Variants in GREB1 observed in about 807,000 individuals in gnomAD.
GREB1 encodes growth regulating estrogen receptor binding 1.
In GREB1, 106 loss-of-function variants were observed where a neutral mutation model predicts 200.7. That is an observed-to-expected ratio of 0.53 (90% CI 0.45 to 0.62). GREB1 has a LOEUF of 0.62. GREB1 is among the 20% of genes least tolerant of loss of function. The probability of loss-of-function intolerance (pLI) is 0.00; values close to 1 mark genes in which losing one functional copy is unlikely to be tolerated. For missense variants in GREB1, 2,243 were observed against 2,556.8 expected, an observed-to-expected ratio of 0.88 and a Z score of 2.65; for synonymous variants, 1,132 against 1,092.4, an observed-to-expected ratio of 1.04 and a Z score of -0.72.
Position 11,612,411 on chromosome 2 carries a change from G to T in GREB1, c.3007-84G>T, listed in dbSNP as rs374980794. On this transcript the variant is annotated intron_variant, in intron 18 of 32. Transcript: ENST00000381486. ...TATAGTTCAAGGAGTTTAAATTGGT[G>T]TGGGAGGCCATCAGGATTCCTCTGA... 370 of 1,498,012 alleles carry T rather than the reference G, an allele frequency of 2.5e-4. 6 individuals carry two copies. The South Asian group carries it at 4.3e-3, about 17-fold the overall frequency. 92.8% of individuals were successfully genotyped at this position (1,498,012 alleles called of 1,614,324 possible).
At chr2:11,541,553 A>G (rs74832997) in intron 1 of GREB1, among the ~76,000 whole-genome samples, 1 of 151,504 alleles carries the variant, frequency 6.6e-6, no homozygotes, top group South Asian at 2.1e-4. Context: ...ACTGCCTCCG[A>G]CTCTTTCCAA....
chr2:11,554,596 G>A (rs1267604608), intron 1 of GREB1, among the ~76,000 whole-genome samples: 1 of 152,234 alleles, frequency 6.6e-6, no homozygotes, highest in African/African-American at 2.4e-5. Flanking sequence ...AATTGTAGAT[G>A]AAGGCAGGAA....
At chr2:11,609,573 A>T (rs1394571757) in intron 17 of GREB1, among the ~76,000 whole-genome samples, 1 of 152,150 alleles carries the variant, frequency 6.6e-6, no homozygotes, top group Non-Finnish European at 1.5e-5. Context: ...TGGGCTGCTG[A>T]GTCCCCTTCA....
intron 1 of GREB1, among the ~76,000 whole-genome samples, chr2:11,502,280 G>T (rs368671380): frequency 1.9e-4 from 28 of 149,346 alleles, no homozygotes; most frequent in Non-Finnish European, 4.0e-4. Flanking sequence ...GAGTGCAGTG[G>T]TATGGTAACA....
intron 22 of GREB1, among the ~76,000 whole-genome samples, chr2:11,619,860 CATATTTTCCTCTGTAAAGTTAGTT>C (rs759024038): frequency 1.8e-4 from 28 of 152,308 alleles, no homozygotes; most frequent in Non-Finnish European, 3.7e-4. Context: ...GGTTGGGTGT[CATATTTTCCTCTGTAAAGTTAGTT>C]ATTTCCATTC....
In GREB1 at chr2:11,493,820, C is replaced by CTGAGTTACAAAT. The variant is rs896067386; in HGVS notation, c.-159+11441_-159+11442insAGTTACAAATTG. 3.9e-5 allele frequency among the ~76,000 whole-genome samples: 6 copies of CTGAGTTACAAAT among 152,132 alleles called. No homozygotes were observed. The highest frequency in any genetic ancestry group is 7.4e-5 in the Non-Finnish European group (5 of 68,024). Reference sequence around the variant, plus strand: ...AGGTATAAGTTGCAAACTCTGACCTCTGGGGGCAATTTGTAAACTCCAGAG... The same window carrying CTGAGTTACAAAT: ...AGGTATAAGTTGCAAACTCTGACCTCTGAGTTACAAATTGGGGGCAATTTGTAAACTCCAGAG... On this transcript the variant is annotated intron_variant, in intron 1 of 2. Coordinates refer to the GREB1 transcript ENST00000628795. The surrounding 1 kb of genome is among the most constrained non-coding windows in gnomAD (Gnocchi z 4.6).
intron 1 of GREB1, among the ~76,000 whole-genome samples, chr2:11,494,839 C>G (rs1405036491): frequency 6.6e-6 from 1 of 152,224 alleles, no homozygotes; most frequent in Non-Finnish European, 1.5e-5. Flanking sequence ...ACCGCAGGTG[C>G]TTAGACCATT....
intron 1 of GREB1, among the ~76,000 whole-genome samples, chr2:11,509,638 G>A (rs933229643): frequency 6.6e-5 from 10 of 152,178 alleles, no homozygotes; most frequent in African/African-American, 1.9e-4. Flanking sequence ...AGTATTCAGA[G>A]GTGGGCCTTT....
chr2:11,582,757 G>A (rs566398301), intron 7 of GREB1, among the ~76,000 whole-genome samples: 6 of 152,354 alleles, frequency 3.9e-5, no homozygotes, highest in Admixed American at 6.5e-5. Flanking sequence ...CTGAAGTGTC[G>A]GAGTTCCTGG....
At chr2:11,586,039 G>A in intron 9 of GREB1, 134 bp downstream of exon 9, 1 of 876,884 alleles carries the variant, frequency 1.1e-6, no homozygotes. Flanking sequence ...ATGCTTTCCA[G>A]GGCAAGGAAA....
At chr2:11,497,974 T>A in intron 1 of GREB1, among the ~76,000 whole-genome samples, 4 of 64,510 alleles carry the variant, frequency 6.2e-5, no homozygotes, top group Non-Finnish European at 9.0e-5. Context: ...AGCAAAACTT[T>A]TTTTTTTTTT....
intron 23 of GREB1, among the ~76,000 whole-genome samples, chr2:11,622,086 A>C (rs185733978): frequency 6.6e-6 from 1 of 150,896 alleles, no homozygotes; most frequent in East Asian, 1.9e-4. Context: ...CAGAGCACCA[A>C]GACTGTTTTT....
chr2:11,618,382 G>A lies in GREB1; in HGVS notation c.3507G>A (p.Glu1169=), dbSNP rs1190874855. ...CCCAGCCCCGTGGCCCCGCAGAGGA[G>A]GGCAGAGCCCCTGGTGAGAAACAGA... The part of the protein sequence containing the change: ...RSPQPRGPAE[E]GRAPGEKQRP... The change falls in exon 22 of 33, where the codon GAG becomes GAA. Residue 1169 remains glutamate, a synonymous_variant. Transcript: ENST00000381486. 6.2e-7 allele frequency: 1 copy of A among 1,611,864 alleles called. No individual in the cohort carries two copies. The highest frequency in any genetic ancestry group is 1.3e-5 in the African/African-American group (1 of 74,888).
intron 9 of GREB1, 184 bp from the exon 10 acceptor site, chr2:11,588,562 A>C: frequency 1.5e-6 from 1 of 674,476 alleles, no homozygotes; most frequent in Middle Eastern, 2.5e-4. Flanking sequence ...GACTCCTCTC[A>C]TCCTAGGCTC....
intron 17 of GREB1, among the ~76,000 whole-genome samples, chr2:11,609,387 G>A (rs1443157040): frequency 1.3e-5 from 2 of 152,078 alleles, no homozygotes; most frequent in African/African-American, 4.8e-5. Flanking sequence ...TCCTGCCTCA[G>A]CCTCCCAAGT....
chr2:11,633,712 G>A lies in GREB1; in HGVS notation c.4992-419G>A, dbSNP rs1328276396. 1.3e-5 allele frequency among the ~76,000 whole-genome samples: 2 copies of A among 152,058 alleles called. No homozygotes were observed. The highest frequency in any genetic ancestry group is 3.9e-4 in the East Asian group (2 of 5,184). On this transcript the variant is annotated intron_variant, in intron 28 of 32. Transcript: ENST00000381486. The surrounding 1 kb of genome is among the most constrained non-coding windows in gnomAD (Gnocchi z 4.1). ...TAAGCACATTCATTTAACCTACTCC[G>A]ATATTAAGAAAGGGACATTGCTGCC...
At position 11,630,276 on chromosome 2, in the gene GREB1, C is replaced by T. The variant is rs372094067; in HGVS notation, c.4611+167C>T. Among the ~76,000 whole-genome samples, 64 of 152,344 alleles carry T rather than the reference C, an allele frequency of 4.2e-4. No homozygotes were observed. The South Asian group carries it at 0.012, about 30-fold the overall frequency. On this transcript the variant is annotated intron_variant, in intron 26 of 32. Transcript: ENST00000381486. The stretch of plus-strand genomic sequence containing the variant: ...GGCTCTGGAGTCACTCCAATTCAAG[C>T]CTCAGCCTTGCTCTACCATTTACTA...
intron 19 of GREB1, among the ~76,000 whole-genome samples, chr2:11,613,651 T>C (rs886890312): frequency 4.6e-5 from 7 of 152,322 alleles, no homozygotes; most frequent in African/African-American, 1.7e-4. Flanking sequence ...CTATTTCACA[T>C]GGATTAATTC....
intron 17 of GREB1, among the ~76,000 whole-genome samples, chr2:11,607,434 G>A (rs866923793): frequency 0.02 from 1,569 of 76,894 alleles, 27 homozygotes; most frequent in African/African-American, 0.06. Flanking sequence ...ATGTATGTGT[G>A]TGTGTGTGTG....
Sources: gnomAD v4.1 joint callset for allele counts (sites outside exome capture counted in the v4.1 genomes callset) on GRCh38, gnomAD v4.1.1 for gene constraint, Gnocchi (gnomAD v3.1) non-coding constraint, MANE v1.5 for transcripts, NCBI Gene and HGNC (gene_info 2026-07-23, HGNC 2026-07-21) for gene names.